Variants in HORMAD2 observed in about 807,000 individuals in gnomAD.
HORMAD2 encodes HORMA domain-containing protein 2.
HORMAD2 carries 45 observed loss-of-function variants against 38.8 expected under a neutral mutation model. That is an observed-to-expected ratio of 1.16 (90% CI 0.91 to 1.49). The LOEUF is 1.49. Ranked by LOEUF, HORMAD2 falls within the 40% of genes most tolerant of loss-of-function variation. The probability of loss-of-function intolerance (pLI) is 0.00; values close to 1 mark genes in which losing one functional copy is unlikely to be tolerated. For synonymous variants in HORMAD2, 126 were observed against 122.8 expected, an observed-to-expected ratio of 1.03 and a Z score of -0.17; for missense variants, 338 against 367.0, an observed-to-expected ratio of 0.92 and a Z score of 0.65.
At chr22:30,156,895 A>G (rs1252219853) in intron 10 of HORMAD2, among the ~76,000 whole-genome samples, 3 of 152,230 alleles carry the variant, frequency 2.0e-5, no homozygotes, top group Admixed American at 6.5e-5. Flanking sequence ...AACCTCTTCA[A>G]GATATAAACT....
At chr22:30,166,965 T>C (rs1046937338) in intron 10 of HORMAD2, among the ~76,000 whole-genome samples, 1 of 152,198 alleles carries the variant, frequency 6.6e-6, no homozygotes, top group African/African-American at 2.4e-5. Context: ...CTGTAACAAA[T>C]TACAAGTTTG....
intron 7 of HORMAD2, among the ~76,000 whole-genome samples, chr22:30,113,994 T>C (rs1008567717): frequency 6.6e-6 from 1 of 152,218 alleles, no homozygotes; most frequent in African/African-American, 2.4e-5. Context: ...AGTTACTAAA[T>C]TGATCATTTT....
chr22:30,187,501 TTGTGTGTG>T, the HORMAD2 span, among the ~76,000 whole-genome samples: 7,379 of 147,742 alleles, frequency 0.05, 251 homozygotes, highest in South Asian at 0.091. Context: ...TATATTTCCT[TTGTGTGTG>T]TGTGTGTGTG....
intron 7 of HORMAD2, among the ~76,000 whole-genome samples, chr22:30,115,783 T>G (rs1197750935): frequency 2.0e-5 from 3 of 151,992 alleles, no homozygotes; most frequent in Non-Finnish European, 4.4e-5. Flanking sequence ...TACTAGAGAG[T>G]GCTGAAGTGG....
chr22:30,197,933 T>A, the HORMAD2 span, among the ~76,000 whole-genome samples: 10 of 152,066 alleles, frequency 6.6e-5, no homozygotes, highest in Non-Finnish European at 1.3e-4. Flanking sequence ...TCCCATAACT[T>A]TGGGAGGCCA....
the HORMAD2 span, among the ~76,000 whole-genome samples, chr22:30,184,463 A>C: frequency 1.3e-5 from 2 of 152,202 alleles, no homozygotes; most frequent in African/African-American, 4.8e-5. Context: ...TCTTTTTCCA[A>C]ACATTTCAAG....
At chr22:30,134,494 C>T (rs1923520813) in intron 10 of HORMAD2, among the ~76,000 whole-genome samples, 1 of 148,818 alleles carries the variant, frequency 6.7e-6, no homozygotes, top group South Asian at 2.1e-4. Flanking sequence ...ACTAACAGGT[C>T]TGCCAAATCC....
chr22:30,132,767 T>C (rs993830090), intron 10 of HORMAD2, among the ~76,000 whole-genome samples: 24 of 152,236 alleles, frequency 1.6e-4, no homozygotes, highest in Admixed American at 6.5e-5. Flanking sequence ...TTTCTTTTTT[T>C]ATATGAATCA....
Position 30,099,012 on chromosome 22 carries a change from G to GTC in HORMAD2, c.193+23_193+24dup, listed in dbSNP as rs1248373143. The GTC allele has an allele frequency of 7.5e-6, 12 of 1,601,728 alleles. No homozygotes were observed. The South Asian group carries it at 1.3e-4, about 18-fold the overall frequency. On this transcript the variant is annotated intron_variant, in intron 3 of 10. Coordinates refer to ENST00000336726, the MANE Select transcript of HORMAD2 (RefSeq NM_152510.4). ...TTGGATGGTAAAGTTAAACTAACTA[G>GTC]TCTCTTTGGCTGTTGTAGCCCCTTT...
intron 1 of HORMAD2, among the ~76,000 whole-genome samples, chr22:30,087,900 A>G (rs2068598640): frequency 6.6e-6 from 1 of 152,106 alleles, no homozygotes; most frequent in Admixed American, 6.6e-5. Flanking sequence ...ACTGAGTCAG[A>G]ATTTGAACTT....
the HORMAD2 span, among the ~76,000 whole-genome samples, chr22:30,200,416 G>A: frequency 6.6e-6 from 1 of 152,074 alleles, no homozygotes; most frequent in East Asian, 1.9e-4. Flanking sequence ...TCCCACATAG[G>A]TTTACTGCTA....
At chr22:30,113,389 A>AT (rs1448552709) in intron 7 of HORMAD2, among the ~76,000 whole-genome samples, 1 of 151,314 alleles carries the variant, frequency 6.6e-6, no homozygotes, top group African/African-American at 2.4e-5. Context: ...TAATTTTTAT[A>AT]TTTTTTATAT....
chr22:30,089,321 C>T (rs979390819), intron 1 of HORMAD2, among the ~76,000 whole-genome samples: 1 of 150,986 alleles, frequency 6.6e-6, no homozygotes, highest in Non-Finnish European at 1.5e-5. Flanking sequence ...TAAATTAAGA[C>T]TTTGTAAAGA....
At chr22:30,163,849 T>A (rs767809347) in intron 10 of HORMAD2, among the ~76,000 whole-genome samples, 2 of 152,198 alleles carry the variant, frequency 1.3e-5, no homozygotes, top group Non-Finnish European at 2.9e-5. Context: ...TCAGTGGCAT[T>A]AAGTGTATTC....
intron 10 of HORMAD2, chr22:30,137,105 C>T (rs1389789208): frequency 2.6e-6 from 1 of 379,614 alleles, no homozygotes; most frequent in African/African-American, 2.1e-5. Context: ...GAACTTAAAT[C>T]ATGGTCTGCT....
At chr22:30,145,819 A>G (rs374991421) in intron 10 of HORMAD2, among the ~76,000 whole-genome samples, 2 of 152,208 alleles carry the variant, frequency 1.3e-5, no homozygotes, top group East Asian at 3.8e-4. Flanking sequence ...CAAGGAAGAA[A>G]TAATACTAAT....
At chr22:30,130,550 A>G (rs1415227535) in intron 10 of HORMAD2, among the ~76,000 whole-genome samples, 1 of 145,814 alleles carries the variant, frequency 6.9e-6, no homozygotes, top group Non-Finnish European at 1.5e-5. Flanking sequence ...TCTGCCCCCC[A>G]CACACTTTCA....
intron 10 of HORMAD2, among the ~76,000 whole-genome samples, chr22:30,167,894 G>A (rs964332456): frequency 2.6e-5 from 4 of 152,148 alleles, no homozygotes; most frequent in African/African-American, 9.7e-5. Context: ...TACTAAATGT[G>A]TGAACTAGAT....
At position 30,125,329 on chromosome 22, in the gene HORMAD2, A is replaced by G. The variant is rs1286212762; in HGVS notation, c.819+3115A>G. 3.5e-5 allele frequency among the ~76,000 whole-genome samples: 5 copies of G among 143,874 alleles called. No individual in the cohort carries two copies. In the Admixed American group the frequency reaches 3.7e-4, roughly 11 times the overall value. 94.4% of individuals were successfully genotyped at this position (143,874 alleles called of 152,430 possible). A position where few individuals can be genotyped will look rare whatever the true frequency, so the allele number is the denominator to read the frequency against. On this transcript the variant is annotated intron_variant, in intron 10 of 10. Transcript: ENST00000336726. Reference sequence around the variant, plus strand: ...GGTAACCTTCTTTCTCCTGGGTTCAAGTGATTCTCCCGCCTCAGCCTCCTG... The same window carrying G: ...GGTAACCTTCTTTCTCCTGGGTTCAGGTGATTCTCCCGCCTCAGCCTCCTG...
Sources: allele counts gnomAD v4.1 joint callset (sites outside exome capture counted in the v4.1 genomes callset), GRCh38; gene constraint gnomAD v4.1.1; transcripts MANE v1.5; gene names NCBI Gene and HGNC (gene_info 2026-07-23, HGNC 2026-07-21).